Variants in TFIP11 observed in about 807,000 individuals in gnomAD.
The protein encoded by TFIP11 is tuftelin-interacting protein 11.
TFIP11 carries 86 observed loss-of-function variants against 96.8 expected under a neutral mutation model. The observed-to-expected ratio is 0.89, with a 90% CI of 0.75 to 1.06. TFIP11 has a LOEUF of 1.06. TFIP11 is among the 50% of genes least tolerant of loss of function. TFIP11 has a pLI of 0.00. For synonymous variants in TFIP11, 405 were observed against 395.2 expected (o/e 1.02, Z -0.29); for missense variants, 881 against 1,076.7 (o/e 0.82, Z 2.54).
At chr22:26,500,808 T>A (rs1922686043) in intron 8 of TFIP11, among the ~76,000 whole-genome samples, 1 of 151,504 alleles carries the variant, frequency 6.6e-6, no homozygotes, top group Non-Finnish European at 1.5e-5. Context: ...ACACACTACA[T>A]ATCCTACAGC....
At chr22:26,509,610 C>T (rs1009471646) in intron 4 of TFIP11, among the ~76,000 whole-genome samples, 4 of 152,180 alleles carry the variant, frequency 2.6e-5, no homozygotes, top group Admixed American at 6.5e-5. Flanking sequence ...AATCCCAGCA[C>T]TTTGGGAGGC....
At position 26,491,622 on chromosome 22, in the gene TFIP11, G is replaced by A. The variant is rs370267617; in HGVS notation, c.*391C>T. 1 of 1,613,898 alleles carries A rather than the reference G, an allele frequency of 6.2e-7. No homozygotes were observed. The highest frequency in any genetic ancestry group is 8.5e-7 in the Non-Finnish European group (1 of 1,180,028). ...AGAACCAGATTATCAGGACTGTGAG[G>A]ACCTTGAAATCATCAGGAACAAGAG... is the stretch of plus-strand genomic sequence containing the variant. On this transcript the variant is annotated 3_prime_UTR_variant, in exon 15 of 15. Coordinates refer to ENST00000407690, the MANE Select transcript of TFIP11 (RefSeq NM_012143.4).
rs1246289788 is a variant in TFIP11 at position 26,492,041 on chromosome 22, A to G, written c.2486T>C (p.Leu829Pro). The change falls in exon 15 of 15, where the codon CTG becomes CCG. Residue 829 changes from leucine (L) to proline (P), a missense_variant. Coordinates refer to ENST00000407690, the MANE Select transcript of TFIP11 (RefSeq NM_012143.4). ...QGEKTWVPTS[L>P]QSLIDMAK The stretch of plus-strand genomic sequence containing the variant: ...CTTGGCCATGTCGATCAGGCTCTGC[A>G]GTGAGGTGGGCACCCACGTCTTCTC... 6.2e-7 allele frequency: 1 copy of G among 1,604,844 alleles called. No homozygotes were observed. Among genetic ancestry groups the G allele is most frequent in the Non-Finnish European group, 8.5e-7 (1 of 1,175,726 alleles).
At chr22:26,496,530 A>G (rs1426413986) in intron 11 of TFIP11, among the ~76,000 whole-genome samples, 191 bp downstream of exon 11, 1 of 152,196 alleles carries the variant, frequency 6.6e-6, no homozygotes, top group Non-Finnish European at 1.5e-5. Flanking sequence ...AAGAAAATGA[A>G]TTCCCTCCTG....
rs2147114373 is a variant in TFIP11 at position 26,491,995 on chromosome 22, T to C, written c.*18A>G. On this transcript the variant is annotated 3_prime_UTR_variant, in exon 15 of 15. Transcript: ENST00000407690. ...CTCTTAGGGGCAAGTCTCTGACTGG[T>C]TCTGGACCTGCCACAGTTCACTTGG... 1.9e-6 allele frequency: 3 copies of C among 1,571,888 alleles called. No individual in the cohort carries two copies. Among genetic ancestry groups the C allele is most frequent in the South Asian group, 1.2e-5 (1 of 86,040 alleles).
chr22:26,504,144 A>G (rs943124855), intron 6 of TFIP11, among the ~76,000 whole-genome samples: 3 of 152,204 alleles, frequency 2.0e-5, no homozygotes, highest in Admixed American at 1.3e-4. Context: ...GGGAGCCTCT[A>G]TTAGGGAAAA....
At chr22:26,509,951 G>T in intron 4 of TFIP11, 113 bp downstream of exon 4, 1 of 1,086,234 alleles carries the variant, frequency 9.2e-7, no homozygotes, top group Non-Finnish European at 1.4e-6. Context: ...ACAGCTAACA[G>T]TCTCAACAAG....
intron 6 of TFIP11, among the ~76,000 whole-genome samples, chr22:26,505,360 T>C (rs1285897607): frequency 6.6e-6 from 1 of 152,176 alleles, no homozygotes; most frequent in Non-Finnish European, 1.5e-5. Flanking sequence ...GCTCAGCCAG[T>C]TTTATAGCCA....
At position 26,498,908 on chromosome 22, in the gene TFIP11, G is replaced by C. The variant is rs1922393577; in HGVS notation, c.1397C>G (p.Ser466Cys). The C allele has an allele frequency of 1.2e-6, 2 of 1,613,840 alleles. No individual in the cohort carries two copies. Among genetic ancestry groups the C allele is most frequent in the Non-Finnish European group, 1.7e-6 (2 of 1,179,960 alleles). The change falls in exon 10 of 15, where the codon TCC becomes TGC. Residue 466 changes from serine to cysteine, a missense_variant. Transcript: ENST00000407690. ...TGCTGAGAGGTCCTGTCCGCCATGG[G>C]ACAAGAGCTGGTCATTCTCTAGGAG... ...KSLLENDQLL[S>C]HGGQDLSADA...
At chr22:26,510,312 G>T (rs532353132) in intron 3 of TFIP11, 31 bp from the exon 4 acceptor site, 1 of 1,598,756 alleles carries the variant, frequency 6.3e-7, no homozygotes, top group Non-Finnish European at 8.6e-7. Context: ...AGCACAGGCC[G>T]TAAGTCCTGG....
At chr22:26,508,416 A>T (rs1923673821) in intron 4 of TFIP11, among the ~76,000 whole-genome samples, 1 of 152,254 alleles carries the variant, frequency 6.6e-6, no homozygotes, top group Non-Finnish European at 1.5e-5. Flanking sequence ...ACAAGTAAGC[A>T]GCCAAGAGAT....
At chr22:26,502,301 A>G (rs1033029672) in intron 7 of TFIP11, among the ~76,000 whole-genome samples, 2 of 152,226 alleles carry the variant, frequency 1.3e-5, no homozygotes, top group African/African-American at 2.4e-5. Context: ...GAGAAACAAA[A>G]ATAAAGATAA....
In TFIP11 at chr22:26,512,396, G is replaced by C. The variant is rs1057321791; in HGVS notation, c.-175C>G. 3 of 152,262 alleles carry C rather than the reference G, an allele frequency of 2.0e-5. No homozygotes were observed. The highest frequency in any genetic ancestry group is 2.9e-5 in the Non-Finnish European group (2 of 68,104). 9.4% of individuals were successfully genotyped at this position (152,262 alleles called of 1,614,324 possible). A position where few individuals can be genotyped will look rare whatever the true frequency, so the allele number is the denominator to read the frequency against. ...CCCTTGTGGCCAGCCGTGCTCACCTGTCCGAGGGTCCAGCGTACCAAATTC... is the reference window on the plus strand; with the variant it reads ...CCCTTGTGGCCAGCCGTGCTCACCTCTCCGAGGGTCCAGCGTACCAAATTC... On this transcript the variant is annotated splice_region_variant and 5_prime_UTR_variant, in exon 1 of 15. Transcript: ENST00000407690.
chr22:26,506,497 A>G, intron 5 of TFIP11, 38 bp from the exon 6 acceptor site: 1 of 1,577,134 alleles, frequency 6.3e-7, no homozygotes, highest in Non-Finnish European at 8.6e-7. Flanking sequence ...TTAATGGAAA[A>G]ACAAAATGAA....
intron 12 of TFIP11, among the ~76,000 whole-genome samples, chr22:26,495,710 A>G (rs184762661): frequency 2.4e-4 from 37 of 151,734 alleles, no homozygotes; most frequent in Non-Finnish European, 3.7e-4. Context: ...GTATGTATAT[A>G]TATTTTTTTT....
At chr22:26,493,973 G>T in intron 14 of TFIP11, 166 bp downstream of exon 14, 1 of 703,112 alleles carries the variant, frequency 1.4e-6, no homozygotes, top group Non-Finnish European at 2.3e-6. Context: ...GGTGCCAGCT[G>T]ACCATGTACC....
chr22:26,494,781 G>T lies in TFIP11; in HGVS notation c.1992+16C>A. The T allele has an allele frequency of 5.0e-6, 8 of 1,614,008 alleles. No individual in the cohort carries two copies. Among genetic ancestry groups the T allele is most frequent in the Non-Finnish European group, 6.8e-6 (8 of 1,179,954 alleles). ...CCAGTTCCCTCCCCCAGAAATCCAAGCAAAACAAAGTGTACCTGAAGCCAC... is the reference window on the plus strand; with the variant it reads ...CCAGTTCCCTCCCCCAGAAATCCAATCAAAACAAAGTGTACCTGAAGCCAC... On this transcript the variant is annotated intron_variant, in intron 13 of 14. Coordinates refer to ENST00000407690, the MANE Select transcript of TFIP11 (RefSeq NM_012143.4).
Position 26,499,402 on chromosome 22 carries a change from T to C in TFIP11, c.1031A>G (p.Tyr344Cys). 6.2e-7 allele frequency: 1 copy of C among 1,614,126 alleles called. No homozygotes were observed. Residue 344 changes from tyrosine to cysteine, a missense_variant, in exon 9 of 15, where the codon TAT becomes TGT. Transcript: ENST00000407690. ...GAGGTTGACCACCATGTCCCGCTCA[T>C]ACTGTAGCTGCCGGTCATTCTGGAT... ...EIIQNDRQLQ[Y>C]ERDMVVNLFH... is the part of the protein sequence containing the mutation.
intron 12 of TFIP11, among the ~76,000 whole-genome samples, 186 bp downstream of exon 12, chr22:26,495,887 C>T (rs994180056): frequency 3.3e-5 from 5 of 151,992 alleles, no homozygotes; most frequent in Admixed American, 6.6e-5. Context: ...AAATAAACAG[C>T]GGAAAGGACC....
Sources: allele counts gnomAD v4.1 joint callset (sites outside exome capture counted in the v4.1 genomes callset), GRCh38; gene constraint gnomAD v4.1.1; transcripts MANE v1.5; gene names NCBI Gene and HGNC (gene_info 2026-07-23, HGNC 2026-07-21).